RNF19B: variants seen among roughly 807,000 people sequenced by gnomAD.
The protein encoded by RNF19B is ring finger protein 19B.
In RNF19B, 23 loss-of-function variants were observed where a neutral mutation model predicts 65.5. The ratio of observed to expected loss-of-function variants is 0.35; its 90% CI spans 0.25 to 0.50. The LOEUF is 0.50. RNF19B is among the 20% of genes least tolerant of loss of function. RNF19B has a pLI of 0.98. For synonymous variants in RNF19B, 372 were observed against 379.6 expected (o/e 0.98, Z 0.23); for missense variants, 794 against 980.0 (o/e 0.81, Z 2.53).
In RNF19B at chr1:32,964,654, C is replaced by T. The variant is rs748801064; in HGVS notation, c.32G>A (p.Arg11His). The change falls in exon 1 of 9, where the codon CGC becomes CAC. Residue 11 changes from arginine (R) to histidine (H), a missense_variant. Around this residue, in one of 3 missense-constraint regions of RNF19B, gnomAD observed 374 missense variants for 423.8 expected, o/e 0.88. Coordinates refer to ENST00000235150, the MANE Select transcript of RNF19B (RefSeq NM_001300826.2). The surrounding 1 kb of genome is among the most constrained non-coding windows in gnomAD (Gnocchi z 6.5). MGSEKDSESP[R>H]STSLHAAAPD... is the part of the protein sequence containing the mutation. The stretch of plus-strand genomic sequence containing the variant: ...TGCGGCCGCATGTAGCGATGTGGAG[C>T]GCGGCGACTCGGAGTCCTTCTCGGA... 32 of 1,473,966 alleles carry T rather than the reference C, an allele frequency of 2.2e-5. No homozygotes were observed. The highest frequency in any genetic ancestry group is 6.3e-6 in the Non-Finnish European group (7 of 1,116,788). The allele number at this position is 1,473,966 out of a possible 1,614,324, so 91.3% of individuals were successfully genotyped here.
At position 32,964,391 on chromosome 1, in the gene RNF19B, GCTCCGCCGCCGCCGCCGCGGC is replaced by G. The variant is rs1642850814; in HGVS notation, c.274_294del (p.Ala92_Glu98del). ...GCCGCCTCCTCATCGTCGAACCCAG[GCTCCGCCGCCGCCGCCGCGGC>G]CTCCGCCTCGGCCTCGGCGGCCGGC... is the stretch of plus-strand genomic sequence containing the variant. On this transcript the variant is annotated inframe_deletion, in exon 1 of 9. Coordinates refer to ENST00000235150, the MANE Select transcript of RNF19B (RefSeq NM_001300826.2). This position sits in a 1 kb window ranked among gnomAD's most constrained non-coding sequence, Gnocchi z 6.5. 1.1e-5 allele frequency: 15 copies of G among 1,315,884 alleles called. No individual in the cohort carries two copies. The highest frequency in any genetic ancestry group is 1.5e-5 in the African/African-American group (1 of 65,036). 81.5% of individuals were successfully genotyped at this position (1,315,884 alleles called of 1,614,324 possible).
chr1:32,951,389 TC>T (rs1360523521), intron 1 of RNF19B, among the ~76,000 whole-genome samples: 8 of 152,234 alleles, frequency 5.3e-5, no homozygotes, highest in Non-Finnish European at 1.5e-5. Flanking sequence ...CAGCAGCTCT[TC>T]TTGCAGGAGG....
At chr1:32,957,841 A>G (rs908068040) in intron 1 of RNF19B, among the ~76,000 whole-genome samples, 2 of 152,222 alleles carry the variant, frequency 1.3e-5, no homozygotes, top group Non-Finnish European at 2.9e-5. Context: ...CTCAAAAAAA[A>G]GTTGTCTGTT....
At chr1:32,935,557 A>C (rs1321360560), downstream of RNF19B, among the ~76,000 whole-genome samples, 1 of 152,228 alleles carries the variant, frequency 6.6e-6, no homozygotes, top group Non-Finnish European at 1.5e-5. Context: ...CCCTCCTTTC[A>C]TTACAAATCT....
intron 7 of RNF19B, among the ~76,000 whole-genome samples, chr1:32,941,512 C>A (rs1642230248): frequency 6.6e-6 from 1 of 152,060 alleles, no homozygotes; most frequent in Non-Finnish European, 1.5e-5. Flanking sequence ...TGCACTCCAG[C>A]CTGGGCGACA....
At chr1:32,959,393 G>C (rs577603943) in intron 1 of RNF19B, among the ~76,000 whole-genome samples, 9 of 152,296 alleles carry the variant, frequency 5.9e-5, no homozygotes, top group Admixed American at 5.9e-4. Flanking sequence ...AGGGTTTTAA[G>C]ATTAGCAACA....
intron 1 of RNF19B, among the ~76,000 whole-genome samples, chr1:32,960,268 T>C (rs368568155): frequency 3.9e-5 from 6 of 152,252 alleles, no homozygotes; most frequent in African/African-American, 1.4e-4. Flanking sequence ...ACCTGTAAGA[T>C]TGCTCACATG....
At chr1:32,940,283 A>G (rs1451668149) in intron 7 of RNF19B, among the ~76,000 whole-genome samples, 1 of 152,050 alleles carries the variant, frequency 6.6e-6, no homozygotes, top group Non-Finnish European at 1.5e-5. Flanking sequence ...CAAAACACGG[A>G]TCACCCCCTA....
At chr1:32,938,140 C>CAAAAAAAAAAA (rs80176999) in intron 8 of RNF19B, among the ~76,000 whole-genome samples, 730 of 45,666 alleles carry the variant, frequency 0.016, 1 homozygote, top group African/African-American at 0.026. Context: ...CCAAGAAAGA[C>CAAAAAAAAAAA]AAAAAAAAAA....
At chr1:32,956,039 G>C (rs1020606146) in intron 1 of RNF19B, among the ~76,000 whole-genome samples, 1 of 152,134 alleles carries the variant, frequency 6.6e-6, no homozygotes, top group Non-Finnish European at 1.5e-5. Flanking sequence ...AGACCAGCCA[G>C]GGCAACATGG....
At chr1:32,962,811 T>G (rs934907176) in intron 1 of RNF19B, among the ~76,000 whole-genome samples, 4 of 152,206 alleles carry the variant, frequency 2.6e-5, no homozygotes, top group Non-Finnish European at 5.9e-5. Flanking sequence ...GTAATGGCTG[T>G]CTGACTCCCA....
chr1:32,961,970 G>A (rs1642779779), intron 1 of RNF19B, among the ~76,000 whole-genome samples: 1 of 151,242 alleles, frequency 6.6e-6, no homozygotes, highest in South Asian at 2.1e-4. Flanking sequence ...ACTATGCAGT[G>A]TTTTGTTTTT....
At chr1:32,943,801 T>C (rs1299230710) in intron 6 of RNF19B, among the ~76,000 whole-genome samples, 1 of 152,158 alleles carries the variant, frequency 6.6e-6, no homozygotes, top group Non-Finnish European at 1.5e-5. Flanking sequence ...TTACTTGGAT[T>C]CCTACTAGTT....
rs1642255015 is a variant in RNF19B, at chr1:32,942,308, G to A, written c.1554C>T (p.Leu518=). 2 of 1,614,052 alleles carry A rather than the reference G, an allele frequency of 1.2e-6. No homozygotes were observed. Among genetic ancestry groups the A allele is most frequent in the African/African-American group, 1.3e-5 (1 of 75,048 alleles). The part of the protein sequence containing the change: ...PYSETASFAA[L]SGGTLSGGIL... The stretch of plus-strand genomic sequence containing the variant: ...TGCCGCCACTCAGCGTGCCCCCTGA[G>A]AGGGCTGCAAAGCTGGCCGTTTCGC... The change falls in exon 7 of 9, where the codon CTC becomes CTT. Residue 518 remains leucine, a synonymous_variant. Coordinates refer to ENST00000235150, the MANE Select transcript of RNF19B (RefSeq NM_001300826.2).
At chr1:32,959,247 G>T (rs1260176522) in intron 1 of RNF19B, among the ~76,000 whole-genome samples, 1 of 152,182 alleles carries the variant, frequency 6.6e-6, no homozygotes, top group African/African-American at 2.4e-5. Context: ...GGCTGGAGTG[G>T]TGGACCTGCA....
the RNF19B span, among the ~76,000 whole-genome samples, chr1:32,930,361 C>T: frequency 1.3e-5 from 2 of 151,032 alleles, no homozygotes; most frequent in African/African-American, 2.4e-5. Context: ...CCATCCGCCT[C>T]GGCCTCCCAA....
intron 1 of RNF19B, among the ~76,000 whole-genome samples, chr1:32,950,870 C>T (rs1340985543): frequency 7.3e-6 from 1 of 137,120 alleles, no homozygotes. Context: ...GAGATGGAGT[C>T]TCGCTCTGTC....
At chr1:32,963,341 AC>A (rs1346819434) in intron 1 of RNF19B, among the ~76,000 whole-genome samples, 1 of 151,818 alleles carries the variant, frequency 6.6e-6, no homozygotes, top group Non-Finnish European at 1.5e-5. Flanking sequence ...AAGTGGACAC[AC>A]CCCTCCGACG....
intron 1 of RNF19B, among the ~76,000 whole-genome samples, chr1:32,951,858 C>T (rs948223990): frequency 1.3e-5 from 2 of 150,882 alleles, no homozygotes; most frequent in Non-Finnish European, 2.9e-5. Flanking sequence ...AGCGCAGTGG[C>T]GTGATCTCGG....
Sources: gnomAD v4.1 joint callset for allele counts (sites outside exome capture counted in the v4.1 genomes callset) on GRCh38, gnomAD v4.1.1 for gene constraint, gnomAD v4.1.1 regional missense constraint, Gnocchi (gnomAD v3.1) non-coding constraint, MANE v1.5 for transcripts, NCBI Gene and HGNC (gene_info 2026-07-23, HGNC 2026-07-21) for gene names.